Variants in D2HGDH observed in about 807,000 individuals in gnomAD.
D2HGDH encodes D-2-hydroxyglutarate dehydrogenase, mitochondrial.
In D2HGDH, 31 loss-of-function variants were observed where a neutral mutation model predicts 46.9. The ratio of observed to expected loss-of-function variants is 0.66; its 90% CI spans 0.50 to 0.89. D2HGDH has a LOEUF of 0.89. Ranked by LOEUF, D2HGDH falls within the 40% of genes least tolerant of loss-of-function variation. D2HGDH has a pLI of 0.00. For missense variants in D2HGDH, 698 were observed against 720.8 expected (o/e 0.97, Z 0.36); for synonymous variants, 364 against 332.6 (o/e 1.09, Z -1.03).
At chr2:241,747,088 C>T (rs910763579) in intron 6 of D2HGDH, among the ~76,000 whole-genome samples, 1 of 152,092 alleles carries the variant, frequency 6.6e-6, no homozygotes, top group Non-Finnish European at 1.5e-5. Context: ...CAGGTGCACA[C>T]CACCATGCCT....
rs998402245 is a variant in D2HGDH, at chr2:241,745,553, A to T, written c.853+676A>T. Among the ~76,000 whole-genome samples the T allele has an allele frequency of 5.3e-5, 8 of 152,192 alleles. No homozygotes were observed. The East Asian group carries it at 9.6e-4, about 18-fold the overall frequency. ...CCAGAAGCTTGGGCAGCCCTGGAGG[A>T]TGCTGAGACTCCGCATGCTTGTTCC... On this transcript the variant is annotated intron_variant, in intron 6 of 9. Transcript: ENST00000321264.
At chr2:241,740,860 G>A (rs1222657008) in intron 2 of D2HGDH, among the ~76,000 whole-genome samples, 173 bp from the exon 3 acceptor site, 6 of 152,130 alleles carry the variant, frequency 3.9e-5, no homozygotes, top group East Asian at 1.9e-4. Context: ...CAGGAGAATC[G>A]CTTGAACCTG....
rs1694616138 is a variant in D2HGDH at position 241,742,071 on chromosome 2, A to G, written c.351-364A>G. Among the ~76,000 whole-genome samples, 1 of 152,146 alleles carries G rather than the reference A, an allele frequency of 6.6e-6. No homozygotes were observed. The highest frequency in any genetic ancestry group is 6.5e-5 in the Admixed American group (1 of 15,278). ...GGGCCGAGGGTGGGGAGATGCAGGC[A>G]GAGGGTGGAAGGCAGTGGGGGCAGT... On this transcript the variant is annotated intron_variant, in intron 3 of 9. Coordinates refer to ENST00000321264, the MANE Select transcript of D2HGDH (RefSeq NM_152783.5). This position sits in a 1 kb window ranked among gnomAD's most constrained non-coding sequence, Gnocchi z 4.8.
intron 9 of D2HGDH, among the ~76,000 whole-genome samples, chr2:241,759,396 C>G (rs182432460): frequency 6.6e-6 from 1 of 152,204 alleles, no homozygotes; most frequent in African/African-American, 2.4e-5. Context: ...AATCTCCTAA[C>G]GCGATGGACT....
rs762792957 is a variant in D2HGDH, at chr2:241,742,387, C to T, written c.351-48C>T. 8 of 1,556,672 alleles carry T rather than the reference C, an allele frequency of 5.1e-6. No individual in the cohort carries two copies. Among genetic ancestry groups the T allele is most frequent in the East Asian group, 2.4e-5 (1 of 41,910 alleles). On this transcript the variant is annotated intron_variant, in intron 3 of 9. Coordinates refer to ENST00000321264, the MANE Select transcript of D2HGDH (RefSeq NM_152783.5). The surrounding 1 kb of genome is among the most constrained non-coding windows in gnomAD (Gnocchi z 4.8). The stretch of plus-strand genomic sequence containing the variant: ...TGCGGCGTGTCCTTGGGGATGGTGG[C>T]GTAGGGGTGGGGACAGAGCCCCAAC...
At chr2:241,748,760 G>C in intron 6 of D2HGDH, 1 of 1,074,644 alleles carries the variant, frequency 9.3e-7, no homozygotes, top group Non-Finnish European at 1.2e-6. Context: ...GGGCAGCCTT[G>C]ACTGCTTCTG....
At chr2:241,753,483 C>G (rs1285763289) in intron 8 of D2HGDH, among the ~76,000 whole-genome samples, 1 of 152,168 alleles carries the variant, frequency 6.6e-6, no homozygotes. Context: ...TGGCGAGGCT[C>G]TGGGCAGGTC....
chr2:241,742,803 C>T lies in D2HGDH; in HGVS notation c.490+229C>T, dbSNP rs1161268944. On this transcript the variant is annotated intron_variant, in intron 4 of 9. Transcript: ENST00000321264. This position sits in a 1 kb window ranked among gnomAD's most constrained non-coding sequence, Gnocchi z 4.8. Reference sequence around the variant, plus strand: ...ATTCTGGTCCCTTCCGACTCCATCCCGCTCTAGAGGTGTGTGAGGTGCAGA... The same window carrying T: ...ATTCTGGTCCCTTCCGACTCCATCCTGCTCTAGAGGTGTGTGAGGTGCAGA... Among the ~76,000 whole-genome samples, 2 of 152,210 alleles carry T rather than the reference C, an allele frequency of 1.3e-5. No individual in the cohort carries two copies. Among genetic ancestry groups the T allele is most frequent in the South Asian group, 2.1e-4 (1 of 4,836 alleles).
At chr2:241,741,924 G>C (rs547505890) in intron 3 of D2HGDH, among the ~76,000 whole-genome samples, 1 of 152,284 alleles carries the variant, frequency 6.6e-6, no homozygotes, top group South Asian at 2.1e-4. Flanking sequence ...CCTTTTCCCA[G>C]AGCACGGAAC....
rs375575458 is a variant in D2HGDH at position 241,743,576 on chromosome 2, G to A, written c.491-46G>A. ...GGGGTTGGGACTCACCAGCCCGGGG[G>A]CCCACTGGAAGCCAAGTGCTGCGGC... On this transcript the variant is annotated intron_variant, in intron 4 of 9. Coordinates refer to ENST00000321264, the MANE Select transcript of D2HGDH (RefSeq NM_152783.5). The surrounding 1 kb of genome is among the most constrained non-coding windows in gnomAD (Gnocchi z 4.8). 1.1e-5 allele frequency: 18 copies of A among 1,592,568 alleles called. No individual in the cohort carries two copies. In the South Asian group the frequency reaches 1.2e-4, roughly 11 times the overall value.
chr2:241,751,382 A>C lies in D2HGDH; in HGVS notation c.1134A>C (p.Lys378Asn). ...TDGTMATDQR[K>N]VKMLWALRER... ...GGACCATGGCCACCGACCAGAGGAA[A>C]GTCAAGGTGCCCTGTGTCCTGCTTG... Residue 378 changes from lysine (K) to asparagine (N), a missense_variant, in exon 8 of 10, where the codon AAA becomes AAC. Transcript: ENST00000321264. The C allele has an allele frequency of 6.2e-7, 1 of 1,613,344 alleles. No individual in the cohort carries two copies. The highest frequency in any genetic ancestry group is 8.5e-7 in the Non-Finnish European group (1 of 1,180,012).
chr2:241,767,655 T>TG, intron 9 of D2HGDH, 55 bp from the exon 10 acceptor site: 1 of 1,483,074 alleles, frequency 6.7e-7, no homozygotes, highest in Non-Finnish European at 8.9e-7. Context: ...GGGGGAGGAG[T>TG]GGGGTCCTGG....
chr2:241,750,320 G>A lies in D2HGDH; in HGVS notation c.997+26G>A, dbSNP rs767867548. ...GTACTGACCCCCCACACAGGGGGCA[G>A]CTGGTCCTGCAGCTCCTTCTGCACG... On this transcript the variant is annotated intron_variant, in intron 7 of 9. Transcript: ENST00000321264. 2.6e-5 allele frequency: 41 copies of A among 1,607,568 alleles called. No homozygotes were observed. The South Asian group carries it at 2.7e-4, about 11-fold the overall frequency.
chr2:241,752,634 C>T (rs1424014905), intron 8 of D2HGDH, among the ~76,000 whole-genome samples: 8 of 152,000 alleles, frequency 5.3e-5, no homozygotes, highest in Middle Eastern at 3.2e-3. Flanking sequence ...GCAGGACAGC[C>T]GCCGGGGATT....
chr2:241,758,092 A>G (rs1436373207), intron 9 of D2HGDH, among the ~76,000 whole-genome samples: 1 of 152,156 alleles, frequency 6.6e-6, no homozygotes, highest in Non-Finnish European at 1.5e-5. Flanking sequence ...CTGGAGTCAG[A>G]TGAGTCTGTG....
chr2:241,745,213 A>G (rs1019602158), intron 6 of D2HGDH, among the ~76,000 whole-genome samples: 1 of 152,188 alleles, frequency 6.6e-6, no homozygotes, highest in Admixed American at 6.5e-5. Flanking sequence ...GTCATTTGGC[A>G]TCAGTTCAGG....
chr2:241,743,077 C>T lies in D2HGDH; in HGVS notation c.490+503C>T, dbSNP rs113434116. On this transcript the variant is annotated intron_variant, in intron 4 of 9. Coordinates refer to ENST00000321264, the MANE Select transcript of D2HGDH (RefSeq NM_152783.5). This position sits in a 1 kb window ranked among gnomAD's most constrained non-coding sequence, Gnocchi z 4.8. The stretch of plus-strand genomic sequence containing the variant: ...ACCCAGGGCGCCAGGGCGTGGCAGG[C>T]GTGAGGGGATCCTGACCCAGGGTGC... Among the ~76,000 whole-genome samples, 4,559 of 119,702 alleles carry T rather than the reference C, an allele frequency of 0.038. 369 individuals are homozygous for T. The highest frequency in any genetic ancestry group is 0.073 in the East Asian group (273 of 3,726). The allele number at this position is 119,702 out of a possible 152,430, so 78.5% of individuals were successfully genotyped here.
chr2:241,741,391 A>C (rs1694413589), intron 3 of D2HGDH, among the ~76,000 whole-genome samples: 1 of 152,216 alleles, frequency 6.6e-6, no homozygotes, highest in South Asian at 2.1e-4. Context: ...ATGACTGTGG[A>C]CAGTGCTTTA....
chr2:241,758,861 C>G (rs956532490), intron 9 of D2HGDH, among the ~76,000 whole-genome samples: 1 of 151,330 alleles, frequency 6.6e-6, no homozygotes, highest in Non-Finnish European at 1.5e-5. Context: ...CGGTCTTGAA[C>G]TCCGGGGCCT....
Sources: allele counts gnomAD v4.1 joint callset (sites outside exome capture counted in the v4.1 genomes callset), GRCh38; gene constraint gnomAD v4.1.1; non-coding constraint Gnocchi (gnomAD v3.1); transcripts MANE v1.5; gene names NCBI Gene and HGNC (gene_info 2026-07-23, HGNC 2026-07-21).